Variants in TCEAL4 observed in about 807,000 individuals in gnomAD.
TCEAL4 encodes the protein transcription elongation factor A like 4, also known as transcription elongation factor A protein-like 4.
Under a neutral mutation model 1.3 loss-of-function variants are expected in TCEAL4, and 1 was observed. That is an observed-to-expected ratio of 0.79 (90% CI 0.28 to 3.76). The LOEUF (loss-of-function observed/expected upper bound fraction) is 3.76, where lower values mean the gene tolerates loss of function less well. Ranked by LOEUF, TCEAL4 falls within the 30% of genes most tolerant of loss-of-function variation. The pLI is 0.18. For synonymous variants in TCEAL4, 54 were observed against 50.7 expected (o/e 1.06, Z -0.28); for missense variants, 129 against 154.7 (o/e 0.83, Z 0.88).
chrX:103,585,564 G>A lies in TCEAL4; in HGVS notation c.-161G>A. The A allele has an allele frequency of 1.7e-6, 2 of 1,162,937 alleles. No individual in the cohort carries two copies. The highest frequency in any genetic ancestry group is 2.6e-5 in the Admixed American group (1 of 38,560). ...GTCCGAGTGCCTGCCCTCTGTCCCC[G>A]CGGCTGGGTCTCGTCTGCTCCGGTT... is the stretch of plus-strand genomic sequence containing the variant. On this transcript the variant is annotated 5_prime_UTR_variant, in exon 1 of 3. Transcript: ENST00000472484.
In TCEAL4 at chrX:103,587,028, C is replaced by G; in HGVS notation, c.353C>G (p.Ala118Gly). 2 of 1,211,125 alleles carry G rather than the reference C, an allele frequency of 1.7e-6. No homozygotes were observed. Among genetic ancestry groups the G allele is most frequent in the Non-Finnish European group, 2.2e-6 (2 of 895,433 alleles). Residue 118 changes from alanine (A) to glycine (G), a missense_variant, in exon 3 of 3, where the codon GCT becomes GGT. Ala to Gly is a moderately conservative substitution (Grantham distance 60). This residue lies in a region of TCEAL4 where 116 missense variants were observed against 120.3 expected (regional missense o/e 0.96). Coordinates refer to ENST00000472484, the MANE Select transcript of TCEAL4 (RefSeq NM_001006935.3). ...SETRAAGKRP[A>G]EDDVPRKAKR... ...ACAAGGGCTGCAGGAAAGCGCCCAG[C>G]TGAGGATGATGTACCCAGGAAAGCC...
rs776018177 is a variant in TCEAL4 at position 103,586,863 on chromosome X, G to C, written c.188G>C (p.Gly63Ala). 2.5e-6 allele frequency: 3 copies of C among 1,197,448 alleles called. No individual in the cohort carries two copies. In the Admixed American group the frequency reaches 6.9e-5, roughly 28 times the overall value. Residue 63 changes from glycine (G) to alanine (A), a missense_variant, in exon 3 of 3, where the codon GGA (glycine) becomes GCA (alanine). Gly to Ala is a moderately conservative substitution (Grantham distance 60). Transcript: ENST00000472484. ...TGDEEMLKDKGKPESEGEAKE... is the reference protein window; with the variant it reads ...TGDEEMLKDKAKPESEGEAKE... ...GATGAGGAAATGTTAAAGGATAAAG[G>C]AAAGCCAGAGAGTGAGGGAGAGGCA...
rs778795395 is a variant in TCEAL4, at chrX:103,587,640, TTTCTG to T, written c.*322_*326del. The T allele has an allele frequency of 6.8e-4, 143 of 208,843 alleles. No individual in the cohort carries two copies. Among genetic ancestry groups the T allele is most frequent in the African/African-American group, 3.9e-3 (135 of 34,197 alleles). 17.2% of individuals were successfully genotyped at this position (208,843 alleles called of 1,213,427 possible). A position where few individuals can be genotyped will look rare whatever the true frequency, so the allele number is the denominator to read the frequency against. On this transcript the variant is annotated 3_prime_UTR_variant, in exon 3 of 3. Transcript: ENST00000472484. Reference sequence around the variant, plus strand: ...AACAGTGGTTATCTCTGGGTGATTTTTTCTGTTCTTTTTTGTTCATCTGTCCATTT... The same window carrying T: ...AACAGTGGTTATCTCTGGGTGATTTTTTCTTTTTTGTTCATCTGTCCATTT...
upstream of TCEAL4, among the ~76,000 whole-genome samples, chrX:103,584,398 T>C (rs751483302): frequency 8.9e-6 from 1 of 111,863 alleles, no homozygotes; most frequent in Non-Finnish European, 1.9e-5. Context: ...ACAGTCACAC[T>C]GCGTATCGAT....
At chrX:103,577,334 C>G in intron 2 of TCEAL4, 1 of 859,957 alleles carries the variant, frequency 1.2e-6, no homozygotes, top group Non-Finnish European at 1.6e-6. Context: ...TTTGGTAACT[C>G]TAAAGAGTAG....
Position 103,586,709 on chromosome X carries a change from G to T in TCEAL4, c.34G>T (p.Ala12Ser), listed in dbSNP as rs766525275. The T allele has an allele frequency of 2.2e-5, 27 of 1,210,129 alleles. No homozygotes were observed. In the African/African-American group the frequency reaches 4.0e-4, roughly 18 times the overall value. The change falls in exon 3 of 3, where the codon GCT (alanine) becomes TCT (serine). Residue 12 changes from alanine (A) to serine (S), a missense_variant. Ala to Ser is a moderately conservative substitution (Grantham distance 99). Around this residue, in one of 2 missense-constraint regions of TCEAL4, gnomAD observed 116 missense variants for 120.3 expected, o/e 0.96. Coordinates refer to ENST00000472484, the MANE Select transcript of TCEAL4 (RefSeq NM_001006935.3). Reference sequence around the variant, plus strand: ...ACTCTACAGTGAAAATGAAGGAATGGCTTCAAACCAAGGAAAGATGGAAAA... The same window carrying T: ...ACTCTACAGTGAAAATGAAGGAATGTCTTCAAACCAAGGAAAGATGGAAAA... ...EKLYSENEGM[A>S]SNQGKMENEE...
upstream of TCEAL4, among the ~76,000 whole-genome samples, chrX:103,581,782 T>C (rs1186190849): frequency 8.9e-6 from 1 of 111,753 alleles, no homozygotes; most frequent in Non-Finnish European, 1.9e-5. Context: ...CCACAGTCAA[T>C]ATCAGACTGA....
At chrX:103,579,576 A>G (rs1450239702) in intron 2 of TCEAL4, among the ~76,000 whole-genome samples, 1 of 112,088 alleles carries the variant, frequency 8.9e-6, no homozygotes, top group Non-Finnish European at 1.9e-5. Context: ...TGAATAGTTC[A>G]TTGCTAGCAC....
rs1013785155 is a variant in TCEAL4, at chrX:103,586,290, A to G, written c.-29A>G. 7.7e-6 allele frequency: 9 copies of G among 1,165,233 alleles called. No individual in the cohort carries two copies. The highest frequency in any genetic ancestry group is 1.0e-5 in the Non-Finnish European group (9 of 872,781). On this transcript the variant is annotated splice_region_variant and 5_prime_UTR_variant, in exon 2 of 3. Transcript: ENST00000472484. ...GGAGCAACCTGTCCAGAATCCCCGC[A>G]GGTCCGTGAAAGTACGGGGCTGCAT...
intron 2 of TCEAL4, among the ~76,000 whole-genome samples, chrX:103,579,776 C>G (rs1308466008): frequency 9.0e-6 from 1 of 111,703 alleles, no homozygotes; most frequent in African/African-American, 3.3e-5. Flanking sequence ...CTCTTGCCCA[C>G]CCTGAAGATA....
upstream of TCEAL4, among the ~76,000 whole-genome samples, chrX:103,581,429 A>G (rs2073507469): frequency 9.0e-6 from 1 of 111,690 alleles, no homozygotes; most frequent in Non-Finnish European, 1.9e-5. Flanking sequence ...CCTAGCAGAG[A>G]TACAACAAAA....
intron 2 of TCEAL4, among the ~76,000 whole-genome samples, chrX:103,578,244 A>G (rs2073492928): frequency 8.9e-6 from 1 of 111,922 alleles, no homozygotes; most frequent in Non-Finnish European, 1.9e-5. Context: ...CTATTCATTG[A>G]GTGATAGGTA....
upstream of TCEAL4, among the ~76,000 whole-genome samples, chrX:103,582,957 A>G (rs974457288): frequency 1.8e-5 from 2 of 112,091 alleles, no homozygotes; most frequent in African/African-American, 6.5e-5. Flanking sequence ...AGAACGGGAT[A>G]AAATTTTTGC....
Position 103,587,574 on chromosome X carries a change from G to T in TCEAL4, c.*251G>T. On this transcript the variant is annotated 3_prime_UTR_variant, in exon 3 of 3. Coordinates refer to ENST00000472484, the MANE Select transcript of TCEAL4 (RefSeq NM_001006935.3). ...ACAAAGATACTTACCTAGTAATATA[G>T]TATAGAAAACAATTCTGAAAGCTGT... 1 of 292,744 alleles carries T rather than the reference G, an allele frequency of 3.4e-6. No individual in the cohort carries two copies. The highest frequency in any genetic ancestry group is 6.2e-6 in the Non-Finnish European group (1 of 162,180). 24.1% of individuals were successfully genotyped at this position (292,744 alleles called of 1,213,427 possible). A position where few individuals can be genotyped will look rare whatever the true frequency, so the allele number is the denominator to read the frequency against.
At chrX:103,585,985 G>A in intron 1 of TCEAL4, 1 of 1,075,021 alleles carries the variant, frequency 9.3e-7, no homozygotes, top group African/African-American at 1.9e-5. Flanking sequence ...AACGTTGACC[G>A]CGAGGCTGGG....
chrX:103,586,172 G>A, intron 1 of TCEAL4, 47 bp from the exon 2 acceptor site: 2 of 1,162,545 alleles, frequency 1.7e-6, no homozygotes. Context: ...GTCCGTGTGA[G>A]CCCGCTGAGC....
chrX:103,583,365 T>C (rs2073516769), upstream of TCEAL4, among the ~76,000 whole-genome samples: 1 of 112,053 alleles, frequency 8.9e-6, no homozygotes, highest in Non-Finnish European at 1.9e-5. Context: ...TTACTGGGTA[T>C]ATACCCAAAG....
At chrX:103,585,020 C>T (rs778804382), upstream of TCEAL4, among the ~76,000 whole-genome samples, 9 of 112,921 alleles carry the variant, frequency 8.0e-5, no homozygotes, top group South Asian at 2.9e-3. Context: ...GTTCTATTTT[C>T]GTATGTGGTC....
At chrX:103,580,941 T>A (rs1212793830), upstream of TCEAL4, among the ~76,000 whole-genome samples, 1 of 110,793 alleles carries the variant, frequency 9.0e-6, no homozygotes, top group Non-Finnish European at 1.9e-5. Context: ...AAAAAATCAA[T>A]GAATCCAGGA....
Sources: allele counts gnomAD v4.1 joint callset (sites outside exome capture counted in the v4.1 genomes callset), GRCh38; gene constraint gnomAD v4.1.1; regional missense constraint gnomAD v4.1.1; transcripts MANE v1.5; gene names NCBI Gene and HGNC (gene_info 2026-07-23, HGNC 2026-07-21).